The following DHX57 variants were observed in gnomAD, a reference collection of about 807,000 sequenced individuals.
The protein encoded by DHX57 is DExH-box helicase 57, also known as putative ATP-dependent RNA helicase DHX57.
In DHX57, 105 loss-of-function variants were observed where a neutral mutation model predicts 156.2. That is an observed-to-expected ratio of 0.67 (90% CI 0.57 to 0.79). The LOEUF (loss-of-function observed/expected upper bound fraction) is 0.79, where lower values mean the gene tolerates loss of function less well. Among genes scored for constraint, DHX57 ranks in the 30% least tolerant of loss-of-function variants. The pLI is 0.00. For synonymous variants in DHX57, 704 were observed against 595.6 expected (o/e 1.18, Z -2.65); for missense variants, 1,847 against 1,661.9 (o/e 1.11, Z -1.94).
intron 9 of DHX57, among the ~76,000 whole-genome samples, chr2:38,849,621 C>G (rs1672476601): frequency 6.6e-6 from 1 of 152,232 alleles, no homozygotes; most frequent in Middle Eastern, 3.4e-3. Flanking sequence ...AGAATTCTTA[C>G]TAACAAGGCT....
At chr2:38,860,128 T>C (rs1572703410) in intron 5 of DHX57, among the ~76,000 whole-genome samples, 1 of 151,802 alleles carries the variant, frequency 6.6e-6, no homozygotes, top group Non-Finnish European at 1.5e-5. Flanking sequence ...AGAGAATTCT[T>C]TGAAAGGGGC....
At chr2:38,824,753 T>C (rs981739556) in intron 16 of DHX57, among the ~76,000 whole-genome samples, 3 of 152,184 alleles carry the variant, frequency 2.0e-5, no homozygotes, top group African/African-American at 7.2e-5. Flanking sequence ...GTTCAAGTGA[T>C]TCTCCTGCTT....
chr2:38,803,130 A>T (rs1669775197), intron 22 of DHX57: 2 of 555,224 alleles, frequency 3.6e-6, no homozygotes, highest in African/African-American at 3.8e-5. Flanking sequence ...GTTTAAAAAA[A>T]AAAAAGCTTT....
Position 38,806,675 on chromosome 2 carries a change from T to C in DHX57, c.3700A>G (p.Lys1234Glu). 1.2e-6 allele frequency: 2 copies of C among 1,614,046 alleles called. No individual in the cohort carries two copies. Among genetic ancestry groups the C allele is most frequent in the Non-Finnish European group, 1.7e-6 (2 of 1,179,988 alleles). The change falls in exon 22 of 24, where the codon AAA becomes GAA. Residue 1234 changes from lysine (K) to glutamate (E), a missense_variant. Coordinates refer to ENST00000457308, the MANE Select transcript of DHX57 (RefSeq NM_198963.3). The stretch of plus-strand genomic sequence containing the variant: ...GCTCCAGTACTGGTCTTCTGAAATT[T>C]TCCTTCTGGGCTTTTCACCTAAACA... ...NVVQVKSPEG[K>E]FQKTSTGAVR...
At chr2:38,814,736 T>C (rs1017854915) in intron 20 of DHX57, among the ~76,000 whole-genome samples, 1 of 151,874 alleles carries the variant, frequency 6.6e-6, no homozygotes, top group Non-Finnish European at 1.5e-5. Flanking sequence ...CTGTTTTTTT[T>C]TTTGAGACAG....
At chr2:38,805,777 C>T (rs1293822355) in intron 22 of DHX57, among the ~76,000 whole-genome samples, 1 of 151,730 alleles carries the variant, frequency 6.6e-6, no homozygotes. Context: ...GACTAAAAGA[C>T]TTCTAGCTGA....
intron 11 of DHX57, among the ~76,000 whole-genome samples, chr2:38,846,368 TC>T (rs1672288900): frequency 6.6e-6 from 1 of 151,738 alleles, no homozygotes; most frequent in African/African-American, 2.4e-5. Flanking sequence ...ATGACTGTAA[TC>T]CCAGCACTTC....
intron 5 of DHX57, 63 bp from the exon 6 acceptor site, chr2:38,858,899 C>T (rs139514679): frequency 4.6e-6 from 7 of 1,516,586 alleles, no homozygotes; most frequent in African/African-American, 1.4e-5. Context: ...AGGGGAAAGT[C>T]GCTGTCTAAC....
intron 1 of DHX57, among the ~76,000 whole-genome samples, chr2:38,869,355 G>T (rs1166264606): frequency 1.3e-5 from 2 of 152,192 alleles, no homozygotes; most frequent in Non-Finnish European, 1.5e-5. Flanking sequence ...TGGGGAAAGG[G>T]AGATTACAGG....
chr2:38,830,255 G>C (rs1671311560), intron 13 of DHX57, among the ~76,000 whole-genome samples: 1 of 152,102 alleles, frequency 6.6e-6, no homozygotes, highest in Non-Finnish European at 1.5e-5. Flanking sequence ...AGATCTTATA[G>C]CATTTTAAAA....
Position 38,826,536 on chromosome 2 carries a change from A to G in DHX57, c.2793T>C (p.Ser931=). Residue 931 remains serine (S), a synonymous_variant, in exon 15 of 24, where the codon TCT becomes TCC. Transcript: ENST00000457308. ...AATACCTCTTTTCTTTCATTTTCCC[A>G]GAATCGATAACATAGACAACATCAT... ...TIDDVVYVID[S]GKMKEKRYDA... 6.2e-7 allele frequency: 1 copy of G among 1,613,950 alleles called. No homozygotes were observed. The highest frequency in any genetic ancestry group is 8.5e-7 in the Non-Finnish European group (1 of 1,179,904).
intron 16 of DHX57, among the ~76,000 whole-genome samples, chr2:38,823,957 G>C (rs898687119): frequency 6.6e-6 from 1 of 151,876 alleles, no homozygotes; most frequent in African/African-American, 2.4e-5. Context: ...GTTGCAGTGA[G>C]CCAAGATCAT....
intron 19 of DHX57, among the ~76,000 whole-genome samples, chr2:38,817,593 GGT>G (rs1274296201): frequency 1.3e-5 from 2 of 152,198 alleles, no homozygotes; most frequent in Admixed American, 6.5e-5. Flanking sequence ...TGGGATTACA[GGT>G]GTGAGCCATA....
rs934846338 is a variant in DHX57 at position 38,826,625 on chromosome 2, G to A, written c.2704C>T (p.Pro902Ser). The part of the protein sequence containing the change: ...SEEQQAVFVK[P>S]PAGVTKIIIS... ...ATAATCTTAGTTACTCCTGCAGGAG[G>A]TTTTACAAACACAGCCTGCTGCTCT... Residue 902 changes from proline to serine, a missense_variant, in exon 15 of 24, where the codon CCT becomes TCT. Physicochemically the swap from Pro to Ser is moderately conservative, Grantham distance 74. Coordinates refer to ENST00000457308, the MANE Select transcript of DHX57 (RefSeq NM_198963.3). The A allele has an allele frequency of 2.5e-6, 4 of 1,614,004 alleles. No individual in the cohort carries two copies. In the African/African-American group the frequency reaches 4.0e-5, roughly 16 times the overall value.
intron 11 of DHX57, among the ~76,000 whole-genome samples, chr2:38,845,332 G>A (rs567393817): frequency 1.3e-5 from 2 of 152,180 alleles, no homozygotes; most frequent in Admixed American, 1.3e-4. Flanking sequence ...AGTGGGATAG[G>A]GCCCAGAAAA....
At chr2:38,874,750 C>T (rs537337401) in intron 1 of DHX57, among the ~76,000 whole-genome samples, 1 of 152,280 alleles carries the variant, frequency 6.6e-6, no homozygotes, top group South Asian at 2.1e-4. Flanking sequence ...TGGGAAAAAT[C>T]CACCTGTAAG....
In DHX57 at chr2:38,858,530, G is replaced by C; in HGVS notation, c.1587+131C>G. 4.0e-6 allele frequency: 5 copies of C among 1,260,268 alleles called. No homozygotes were observed. The South Asian group carries it at 7.6e-5, about 19-fold the overall frequency. 78.1% of individuals were successfully genotyped at this position (1,260,268 alleles called of 1,614,324 possible). On this transcript the variant is annotated intron_variant, in intron 6 of 23. Coordinates refer to ENST00000457308, the MANE Select transcript of DHX57 (RefSeq NM_198963.3). Reference sequence around the variant, plus strand: ...GCACTTAAGTTTGCTGTGGCCTGTAGAAACTTTGACCACTCAGGGAGAAAA... The same window carrying C: ...GCACTTAAGTTTGCTGTGGCCTGTACAAACTTTGACCACTCAGGGAGAAAA...
chr2:38,818,990 TACTC>T (rs1224831166), intron 18 of DHX57, 30 bp from the exon 19 acceptor site: 15 of 1,613,840 alleles, frequency 9.3e-6, no homozygotes, highest in East Asian at 2.2e-5. Context: ...AAACTGAACT[TACTC>T]AGTCTTCAGT....
intron 1 of DHX57, among the ~76,000 whole-genome samples, chr2:38,872,079 C>A (rs1318142577): frequency 6.6e-6 from 1 of 152,138 alleles, no homozygotes; most frequent in Non-Finnish European, 1.5e-5. Flanking sequence ...AGGGCTCTGC[C>A]CTCATGATCG....
Sources: allele counts gnomAD v4.1 joint callset (sites outside exome capture counted in the v4.1 genomes callset), GRCh38; gene constraint gnomAD v4.1.1; transcripts MANE v1.5; gene names NCBI Gene and HGNC (gene_info 2026-07-23, HGNC 2026-07-21).